PROCR: variants seen among roughly 807,000 people sequenced by gnomAD.
PROCR encodes endothelial protein C receptor.
In PROCR, 22 loss-of-function variants were observed where a neutral mutation model predicts 24.2. That is an observed-to-expected ratio of 0.91 (90% CI 0.65 to 1.30). PROCR has a LOEUF of 1.30. Among genes scored for constraint, PROCR ranks in the 50% most tolerant of loss-of-function variants. The probability of loss-of-function intolerance (pLI) is 0.00; values close to 1 mark genes in which losing one functional copy is unlikely to be tolerated. For synonymous variants in PROCR, 137 were observed against 139.2 expected (o/e 0.98, Z 0.11); for missense variants, 288 against 307.7 (o/e 0.94, Z 0.48).
downstream of PROCR, among the ~76,000 whole-genome samples, chr20:35,179,977 G>A (rs868343538): frequency 6.6e-6 from 1 of 152,200 alleles, no homozygotes; most frequent in Non-Finnish European, 1.5e-5. Flanking sequence ...CGGGCATGAT[G>A]GTTCACGCTT....
chr20:35,181,817 A>T (rs1462259208), downstream of PROCR, among the ~76,000 whole-genome samples: 1 of 152,210 alleles, frequency 6.6e-6, no homozygotes, highest in Non-Finnish European at 1.5e-5. Flanking sequence ...ACTTAAGGGG[A>T]AAATAAGTAT....
Position 35,177,022 on chromosome 20 carries a change from A to G in PROCR, c.*209A>G. The G allele has an allele frequency of 7.2e-7, 1 of 1,396,728 alleles. No homozygotes were observed. The allele number at this position is 1,396,728 out of a possible 1,614,324, so 86.5% of individuals were successfully genotyped here. ...AAGTACTTGGTTTGCTAAGAACCTA[A>G]GAACGTGTATGCTTTGCTGAATTAG... is the stretch of plus-strand genomic sequence containing the variant. On this transcript the variant is annotated 3_prime_UTR_variant, in exon 4 of 4. Transcript: ENST00000216968.
chr20:35,205,453 A>AT lies in PROCR; in HGVS notation c.95-10440_95-10439insT, dbSNP rs1254221713. ...AGAGAAGGAAACTTCGTTAATCCAA[A>AT]AATATATATATATATTGGCCGGGCG... On this transcript the variant is annotated intron_variant, in intron 1 of 1. Transcript: ENST00000634509. 9.9e-4 allele frequency among the ~76,000 whole-genome samples: 118 copies of AT among 118,742 alleles called. 1 individual carries two copies. The East Asian group carries it at 0.033, about 33-fold the overall frequency. The allele number at this position is 118,742 out of a possible 152,430, so 77.9% of individuals were successfully genotyped here.
intron 1 of PROCR, among the ~76,000 whole-genome samples, chr20:35,197,209 T>G (rs1412323015): frequency 6.6e-6 from 1 of 152,202 alleles, no homozygotes; most frequent in African/African-American, 2.4e-5. Context: ...CCTCTGCCCT[T>G]GGCCTCCCAA....
intron 1 of PROCR, among the ~76,000 whole-genome samples, chr20:35,204,810 A>G (rs1242770998): frequency 1.3e-5 from 2 of 152,224 alleles, no homozygotes; most frequent in East Asian, 3.8e-4. Flanking sequence ...CCAAAATTTG[A>G]AAAAGATAAC....
chr20:35,178,375 G>A (rs376884038), downstream of PROCR, among the ~76,000 whole-genome samples: 4 of 114,734 alleles, frequency 3.5e-5, no homozygotes, highest in African/African-American at 1.4e-4. Context: ...CTGCACTCCA[G>A]CCTGGGCAAC....
chr20:35,180,133 C>G (rs2086064275), downstream of PROCR, among the ~76,000 whole-genome samples: 1 of 152,036 alleles, frequency 6.6e-6, no homozygotes, highest in African/African-American at 2.4e-5. Context: ...GTAATCCCAG[C>G]TACTAGCAGG....
At chr20:35,172,349 C>A in intron 1 of PROCR, 125 bp downstream of exon 1, 1 of 1,217,714 alleles carries the variant, frequency 8.2e-7, no homozygotes, top group South Asian at 1.2e-5. Context: ...CTAGATCTCT[C>A]TACAGGGCAG....
chr20:35,192,513 A>G (rs2086182089), intron 1 of PROCR, among the ~76,000 whole-genome samples: 1 of 152,094 alleles, frequency 6.6e-6, no homozygotes. Context: ...GTCTGTTCCC[A>G]TACATCTTTC....
chr20:35,196,930 C>A (rs2086221015), intron 1 of PROCR, among the ~76,000 whole-genome samples: 1 of 152,124 alleles, frequency 6.6e-6, no homozygotes, highest in African/African-American at 2.4e-5. Flanking sequence ...CAATTATAAA[C>A]AACAGGGGGA....
At chr20:35,191,600 A>C (rs2086174378) in intron 1 of PROCR, among the ~76,000 whole-genome samples, 1 of 152,196 alleles carries the variant, frequency 6.6e-6, no homozygotes. Flanking sequence ...AGTTGAGCAG[A>C]GATATGAAGG....
downstream of PROCR, among the ~76,000 whole-genome samples, chr20:35,180,508 G>T (rs1423474142): frequency 6.6e-6 from 1 of 152,108 alleles, no homozygotes; most frequent in Non-Finnish European, 1.5e-5. Context: ...GGCTAGCCAG[G>T]GCTGGAAATA....
chr20:35,186,130 T>C (rs1416777424), intron 1 of PROCR, among the ~76,000 whole-genome samples: 1 of 152,210 alleles, frequency 6.6e-6, no homozygotes, highest in Non-Finnish European at 1.5e-5. Flanking sequence ...CACAGAAGCA[T>C]TATTCCTAAT....
At chr20:35,212,891 C>G (rs2060367476) in intron 1 of PROCR, among the ~76,000 whole-genome samples, 1 of 152,170 alleles carries the variant, frequency 6.6e-6, no homozygotes, top group Admixed American at 6.6e-5. Context: ...GGAGGAGTAT[C>G]TGTTTTATCA....
chr20:35,177,034 C>T lies in PROCR; in HGVS notation c.*221C>T. The T allele has an allele frequency of 7.3e-7, 1 of 1,364,004 alleles. No homozygotes were observed. The highest frequency in any genetic ancestry group is 9.5e-7 in the Non-Finnish European group (1 of 1,054,662). 84.5% of individuals were successfully genotyped at this position (1,364,004 alleles called of 1,614,324 possible). On this transcript the variant is annotated 3_prime_UTR_variant, in exon 4 of 4. Coordinates refer to ENST00000216968, the MANE Select transcript of PROCR (RefSeq NM_006404.5). ...TGCTAAGAACCTAAGAACGTGTATG[C>T]TTTGCTGAATTAGTCTGATAAGTGA...
intron 1 of PROCR, among the ~76,000 whole-genome samples, chr20:35,207,234 G>A (rs2060345809): frequency 6.6e-6 from 1 of 152,000 alleles, no homozygotes; most frequent in South Asian, 2.1e-4. Context: ...ATTTGGGAAG[G>A]TGATTAACTG....
rs778556804 is a variant in PROCR at position 35,176,304 on chromosome 20, C to A, written c.459C>A (p.Asp153Glu). The stretch of plus-strand genomic sequence containing the variant: ...CGGAGAGAGCCTTGTGGCAGGCAGA[C>A]ACCCAGGTCACCTCCGGAGTGGTCA... ...FRPERALWQA[D>E]TQVTSGVVTF... Residue 153 changes from aspartate (D) to glutamate (E), a missense_variant, in exon 3 of 4, where the codon GAC (aspartate) becomes GAA (glutamate). Coordinates refer to ENST00000216968, the MANE Select transcript of PROCR (RefSeq NM_006404.5). 3 of 1,614,104 alleles carry A rather than the reference C, an allele frequency of 1.9e-6. No individual in the cohort carries two copies. The African/African-American group carries it at 4.0e-5, about 22-fold the overall frequency.
chr20:35,185,249 G>A (rs763342015), intron 1 of PROCR, among the ~76,000 whole-genome samples: 18 of 152,104 alleles, frequency 1.2e-4, no homozygotes, highest in Non-Finnish European at 2.2e-4. Flanking sequence ...ACGTTGACGT[G>A]GATGCAGCAA....
upstream of PROCR, chr20:35,171,960 G>C (rs2085954395): frequency 3.1e-6 from 2 of 643,278 alleles, no homozygotes; most frequent in South Asian, 3.5e-5. Context: ...CGGCCCCCTA[G>C]TAGGAAATGA....
Sources: allele counts gnomAD v4.1 joint callset (sites outside exome capture counted in the v4.1 genomes callset), GRCh38; gene constraint gnomAD v4.1.1; transcripts MANE v1.5; gene names NCBI Gene and HGNC (gene_info 2026-07-23, HGNC 2026-07-21).